AMPD2: variants seen among roughly 807,000 people sequenced by gnomAD.
AMPD2 encodes adenosine monophosphate deaminase 2.
Under a neutral mutation model 91.3 loss-of-function variants are expected in AMPD2, and 52 were observed. The observed-to-expected ratio is 0.57, with a 90% confidence interval of 0.46 to 0.72. The LOEUF is 0.72. AMPD2 is among the 30% of genes least tolerant of loss of function. The pLI, the probability that AMPD2 is intolerant of heterozygous loss-of-function variation, is 0.00. For missense variants in AMPD2, 822 were observed against 1,122.3 expected (o/e 0.73, Z 3.82); for synonymous variants, 455 against 456.4 (o/e 1.00, Z 0.04).
chr1:109,629,085 A>C lies in AMPD2; in HGVS notation c.1572-24A>C, dbSNP rs564637667. 10 of 1,611,890 alleles carry C rather than the reference A, an allele frequency of 6.2e-6. No homozygotes were observed. The Admixed American group carries it at 1.5e-4, about 24-fold the overall frequency. On this transcript the variant is annotated intron_variant, in intron 13 of 18. Transcript: ENST00000528667. ...CTCCCACTGGCCCTGACTTGCACAT[A>C]CCTGCATGTTGTCTCACCTGCAGTG...
Position 109,628,129 on chromosome 1 carries a change from T to A in AMPD2, c.1127T>A (p.Leu376Gln). The A allele has an allele frequency of 6.2e-7, 1 of 1,614,086 alleles. No homozygotes were observed. Among genetic ancestry groups the A allele is most frequent in the East Asian group, 2.2e-5 (1 of 44,888 alleles). Residue 376 changes from leucine (L) to glutamine (Q), a missense_variant, in exon 11 of 19, where the codon CTG (leucine) becomes CAG (glutamine). Leu to Gln is a moderately radical substitution (Grantham distance 113). Around this residue, in one of 5 missense-constraint regions of AMPD2, gnomAD observed 37 missense variants for 84.8 expected, o/e 0.44. Coordinates refer to ENST00000528667, the MANE Select transcript of AMPD2 (RefSeq NM_001368809.2). This position sits in a 1 kb window ranked among gnomAD's most constrained non-coding sequence, Gnocchi z 7.1. ...TCGTCCTGCATGAACCAGAAGCATC[T>A]GCTGCGCTTCATCAAGCGGGCAATG... Reference protein sequence around the residue: ...HASSCMNQKHLLRFIKRAMKR... With the variant: ...HASSCMNQKHQLRFIKRAMKR...
Position 109,626,431 on chromosome 1 carries a change from A to G in AMPD2, c.531+4A>G. ...CTCTGGGGAGGAGAAGTGTGGGGTA[A>G]GTATGGGGTGTATGTTGGGTGAGTC... On this transcript the variant is annotated splice_donor_region_variant and intron_variant, in intron 6 of 18. Transcript: ENST00000528667. 6.2e-7 allele frequency: 1 copy of G among 1,604,554 alleles called. No individual in the cohort carries two copies. The highest frequency in any genetic ancestry group is 8.5e-7 in the Non-Finnish European group (1 of 1,176,206).
At chr1:109,629,050 G>T in intron 13 of AMPD2, 59 bp from the exon 14 acceptor site, 2 of 1,596,008 alleles carry the variant, frequency 1.3e-6, no homozygotes, top group Admixed American at 3.4e-5. Context: ...TTGCTGGACC[G>T]CTGGGTTTCC....
chr1:109,626,113 G>C, intron 4 of AMPD2, 47 bp from the exon 5 acceptor site: 2 of 1,605,808 alleles, frequency 1.2e-6, no homozygotes, highest in Non-Finnish European at 1.7e-6. Flanking sequence ...TGGGAGCAAG[G>C]GCCGTCCCTC....
chr1:109,625,883 C>T lies in AMPD2; in HGVS notation c.353+91C>T. Reference sequence around the variant, plus strand: ...TCTGCCTCTTTCCCTCGCACCCTGCCTTGGGGGGTCTGCACAGGGAGCATA... The same window carrying T: ...TCTGCCTCTTTCCCTCGCACCCTGCTTTGGGGGGTCTGCACAGGGAGCATA... On this transcript the variant is annotated intron_variant, in intron 4 of 18. Coordinates refer to ENST00000528667, the MANE Select transcript of AMPD2 (RefSeq NM_001368809.2). The surrounding 1 kb of genome is among the most constrained non-coding windows in gnomAD (Gnocchi z 4.0). 6.5e-6 allele frequency: 10 copies of T among 1,548,770 alleles called. No individual in the cohort carries two copies. The highest frequency in any genetic ancestry group is 8.7e-6 in the Non-Finnish European group (10 of 1,143,662).
rs755279206 is a variant in AMPD2 at position 109,628,316 on chromosome 1, CAG to C, written c.1275+40_1275+41del. 3.7e-6 allele frequency: 6 copies of C among 1,613,102 alleles called. No homozygotes were observed. Among genetic ancestry groups the C allele is most frequent in the African/African-American group, 2.7e-5 (2 of 75,024 alleles). ...GCGTGGGCTGTGGGACTGAGTCAGT[CAG>C]GGGACCAGGAGTCACGGGTGACCTG... On this transcript the variant is annotated intron_variant, in intron 11 of 18. Coordinates refer to ENST00000528667, the MANE Select transcript of AMPD2 (RefSeq NM_001368809.2). This position sits in a 1 kb window ranked among gnomAD's most constrained non-coding sequence, Gnocchi z 7.1.
At chr1:109,621,410 G>C (rs1335014752) in intron 2 of AMPD2, 144 bp downstream of exon 2, 1 of 770,508 alleles carries the variant, frequency 1.3e-6, no homozygotes, top group Non-Finnish European at 2.2e-6. Context: ...CCCAGGGACA[G>C]CCGGCTTGGA....
intron 2 of AMPD2, 94 bp downstream of exon 2, chr1:109,621,360 C>A: frequency 7.4e-7 from 1 of 1,342,772 alleles, no homozygotes; most frequent in Non-Finnish European, 1.0e-6. Context: ...GGGCCACCTC[C>A]TCCGGCATCC....
chr1:109,621,050 A>T lies in AMPD2; in HGVS notation c.-126A>T. ...TGGCCAGGGCCTCTTCCGCCTGCGG[A>T]GCCGCTGCTTCCTGCATCAGTCACT... On this transcript the variant is annotated 5_prime_UTR_variant, in exon 2 of 19. Transcript: ENST00000528667. 2 of 1,605,428 alleles carry T rather than the reference A, an allele frequency of 1.2e-6. No homozygotes were observed. The highest frequency in any genetic ancestry group is 1.7e-6 in the Non-Finnish European group (2 of 1,176,378).
In AMPD2 at chr1:109,626,266, C is replaced by G. The variant is rs493972; in HGVS notation, c.422+38C>G. 0.68 allele frequency: 1,089,069 copies of G among 1,613,330 alleles called. 373,201 individuals are homozygous for G. The highest frequency in any genetic ancestry group is 0.99 in the East Asian group (44,257 of 44,850). On this transcript the variant is annotated intron_variant, in intron 5 of 18. Coordinates refer to ENST00000528667, the MANE Select transcript of AMPD2 (RefSeq NM_001368809.2). ...GAGGGGCACAGGGGATGCGGAGCTGCAGCCTGCCCTTCTGCCGGCTCTAAA... is the reference window on the plus strand; with the variant it reads ...GAGGGGCACAGGGGATGCGGAGCTGGAGCCTGCCCTTCTGCCGGCTCTAAA...
chr1:109,621,524 G>C (rs1162000572), intron 2 of AMPD2: 3 of 605,472 alleles, frequency 5.0e-6, no homozygotes, highest in Non-Finnish European at 8.9e-6. Flanking sequence ...GGTGCAGCAA[G>C]AGGTGTGTAT....
At chr1:109,627,075 C>T (rs1650751573) in intron 7 of AMPD2, 100 bp from the exon 8 acceptor site, 6 of 1,580,046 alleles carry the variant, frequency 3.8e-6, no homozygotes, top group Non-Finnish European at 5.2e-6. Context: ...GTCTGACCTA[C>T]TGGGTCTTCA....
In AMPD2 at chr1:109,624,461, G is replaced by A. The variant is rs1023315032; in HGVS notation, c.92-842G>A. Reference sequence around the variant, plus strand: ...AGCCTCCTCGTGGTACAGATGGAAAGTCTAGTCTTGATGAAGAAAGACCCC... The same window carrying A: ...AGCCTCCTCGTGGTACAGATGGAAAATCTAGTCTTGATGAAGAAAGACCCC... On this transcript the variant is annotated intron_variant, in intron 2 of 18. Transcript: ENST00000528667. This position sits in a 1 kb window ranked among gnomAD's most constrained non-coding sequence, Gnocchi z 5.2. 5.9e-5 allele frequency among the ~76,000 whole-genome samples: 9 copies of A among 152,192 alleles called. No individual in the cohort carries two copies. Among genetic ancestry groups the A allele is most frequent in the Non-Finnish European group, 1.5e-5 (1 of 68,028 alleles).
At chr1:109,620,812 C>A in intron 1 of AMPD2, 102 bp from the exon 2 acceptor site, 1 of 1,345,722 alleles carries the variant, frequency 7.4e-7, no homozygotes, top group Non-Finnish European at 9.6e-7. Flanking sequence ...GCCCGGGAGC[C>A]CTGGCATGAT....
rs1651044446 is a variant in AMPD2 at position 109,629,821 on chromosome 1, C to G, written c.1888C>G (p.Leu630Val). ...GCAGAGGGGCTTCCACACGTTTGTG[C>G]TGAGGCCACACTGTGGGGAGGCTGG... Reference protein sequence around the residue: ...RRQRGFHTFVLRPHCGEAGPI... With the variant: ...RRQRGFHTFVVRPHCGEAGPI... Residue 630 changes from leucine (L) to valine (V), a missense_variant, in exon 16 of 19, where the codon CTG (leucine) becomes GTG (valine). By Grantham distance (32) the Leu-to-Val change is conservative (BLOSUM62 1). Transcript: ENST00000528667. The G allele has an allele frequency of 1.2e-6, 2 of 1,609,412 alleles. No individual in the cohort carries two copies. The highest frequency in any genetic ancestry group is 1.1e-5 in the South Asian group (1 of 90,780).
Position 109,627,211 on chromosome 1 carries a change from C to T in AMPD2, c.755C>T (p.Pro252Leu), listed in dbSNP as rs764300020. The T allele has an allele frequency of 1.6e-5, 26 of 1,613,470 alleles. No homozygotes were observed. Among genetic ancestry groups the T allele is most frequent in the Non-Finnish European group, 2.1e-5 (25 of 1,179,832 alleles). The change falls in exon 8 of 19, where the codon CCG becomes CTG. Residue 252 changes from proline (P) to leucine (L), a missense_variant. By Grantham distance (98) the Pro-to-Leu change is moderately conservative (BLOSUM62 -3). Around this residue, in one of 5 missense-constraint regions of AMPD2, gnomAD observed 240 missense variants for 270.3 expected, o/e 0.89. Coordinates refer to ENST00000528667, the MANE Select transcript of AMPD2 (RefSeq NM_001368809.2). ...PVHPPALEQH[P>L]YEHCEPSTMP... ...CACCCCCCTGCGCTGGAGCAGCACCCGTATGAGCACTGTGAGCCAAGCACC... is the reference window on the plus strand; with the variant it reads ...CACCCCCCTGCGCTGGAGCAGCACCTGTATGAGCACTGTGAGCCAAGCACC...
rs758973170 is a variant in AMPD2 at position 109,626,888 on chromosome 1, G to T, written c.694G>T (p.Gly232Cys). The change falls in exon 7 of 19, where the codon GGC becomes TGC. Residue 232 changes from glycine (G) to cysteine (C), a missense_variant. By Grantham distance (159) the Gly-to-Cys change is radical. This residue lies in a region of AMPD2 where 240 missense variants were observed against 270.3 expected (regional missense o/e 0.89). Transcript: ENST00000528667. ...TCTGGAGACCCGGACCTATGAACAG[G>T]GCCCCGACACCCCTGTGTCTGCTGG... Reference protein sequence around the residue: ...KPLETRTYEQGPDTPVSADAP... With the variant: ...KPLETRTYEQCPDTPVSADAP... The T allele has an allele frequency of 1.2e-6, 2 of 1,613,444 alleles. No individual in the cohort carries two copies. Among genetic ancestry groups the T allele is most frequent in the Non-Finnish European group, 1.7e-6 (2 of 1,179,786 alleles).
In AMPD2 at chr1:109,630,742, T is replaced by C. The variant is rs371385465; in HGVS notation, c.2217T>C (p.Asp739=). ...AGGTGTGGAAGCTCAGCTCCTGCGA[T>C]ATGTGTGAGCTGGCCCGCAACAGCG... The part of the protein sequence containing the change: ...ATQVWKLSSC[D]MCELARNSVL... The change falls in exon 18 of 19, where the codon GAT becomes GAC. Residue 739 remains aspartate (D), a synonymous_variant. Coordinates refer to ENST00000528667, the MANE Select transcript of AMPD2 (RefSeq NM_001368809.2). 4 of 1,612,038 alleles carry C rather than the reference T, an allele frequency of 2.5e-6. No individual in the cohort carries two copies. In the African/African-American group the frequency reaches 5.3e-5, roughly 22 times the overall value.
Position 109,628,140 on chromosome 1 carries a change from A to G in AMPD2, c.1138A>G (p.Ile380Val), listed in dbSNP as rs748300460. 3.1e-6 allele frequency: 5 copies of G among 1,613,996 alleles called. No individual in the cohort carries two copies. The East Asian group carries it at 1.1e-4, about 36-fold the overall frequency. The part of the protein sequence containing the change: ...CMNQKHLLRF[I>V]KRAMKRHLEE... Reference sequence around the variant, plus strand: ...GAACCAGAAGCATCTGCTGCGCTTCATCAAGCGGGCAATGAAGCGGCACCT... The same window carrying G: ...GAACCAGAAGCATCTGCTGCGCTTCGTCAAGCGGGCAATGAAGCGGCACCT... The change falls in exon 11 of 19, where the codon ATC (isoleucine) becomes GTC (valine). Residue 380 changes from isoleucine to valine, a missense_variant. Physicochemically the swap from Ile to Val is conservative, Grantham distance 29 (BLOSUM62 3). Around this residue, in one of 5 missense-constraint regions of AMPD2, gnomAD observed 430 missense variants for 606.0 expected, o/e 0.71. Coordinates refer to ENST00000528667, the MANE Select transcript of AMPD2 (RefSeq NM_001368809.2). The surrounding 1 kb of genome is among the most constrained non-coding windows in gnomAD (Gnocchi z 7.1).
Sources: allele counts gnomAD v4.1 joint callset (sites outside exome capture counted in the v4.1 genomes callset), GRCh38; gene constraint gnomAD v4.1.1; regional missense constraint gnomAD v4.1.1; non-coding constraint Gnocchi (gnomAD v3.1); transcripts MANE v1.5; gene names NCBI Gene and HGNC (gene_info 2026-07-23, HGNC 2026-07-21).